MYO1H: variants seen among roughly 807,000 people sequenced by gnomAD.
The protein encoded by MYO1H is myosin IH, also known as unconventional myosin-Ih.
MYO1H carries 118 observed loss-of-function variants against 149.3 expected under a neutral mutation model. The ratio of observed to expected loss-of-function variants is 0.79; its 90% CI spans 0.68 to 0.92. MYO1H has a LOEUF of 0.92. Ranked by LOEUF, MYO1H falls within the 40% of genes least tolerant of loss-of-function variation. The probability of loss-of-function intolerance (pLI) is 0.00; values close to 1 mark genes in which losing one functional copy is unlikely to be tolerated. For synonymous variants in MYO1H, 447 were observed against 465.2 expected (o/e 0.96, Z 0.50); for missense variants, 1,212 against 1,280.7 (o/e 0.95, Z 0.82).
intron 1 of MYO1H, among the ~76,000 whole-genome samples, chr12:109,349,482 G>C (rs1432923709): frequency 7.7e-6 from 1 of 130,400 alleles, no homozygotes; most frequent in African/African-American, 3.2e-5. Flanking sequence ...GAGCAACATA[G>C]TGTGACCCCC....
At chr12:109,325,177 A>G in the MYO1H span, among the ~76,000 whole-genome samples, 1 of 152,244 alleles carries the variant, frequency 6.6e-6, no homozygotes, top group African/African-American at 2.4e-5. Flanking sequence ...GCTGCAATAA[A>G]CATACATGTG....
intron 26 of MYO1H, among the ~76,000 whole-genome samples, 193 bp downstream of exon 26, chr12:109,441,901 G>A (rs1272761232): frequency 6.6e-6 from 1 of 152,072 alleles, no homozygotes; most frequent in Non-Finnish European, 1.5e-5. Flanking sequence ...CAAAATATTA[G>A]CAGGGCGTGG....
chr12:109,441,755 G>C, intron 26 of MYO1H, 47 bp downstream of exon 26: 1 of 1,386,914 alleles, frequency 7.2e-7, no homozygotes, highest in Non-Finnish European at 1.0e-6. Flanking sequence ...AATTCTAAAA[G>C]GAGTTAAAGG....
intron 19 of MYO1H, among the ~76,000 whole-genome samples, chr12:109,431,889 C>G (rs1871636451): frequency 6.6e-6 from 1 of 151,874 alleles, no homozygotes; most frequent in Non-Finnish European, 1.5e-5. Context: ...GGCTGGAGTG[C>G]TCCCTGAAGC....
At chr12:109,341,698 T>C in the MYO1H span, among the ~76,000 whole-genome samples, 7 of 152,218 alleles carry the variant, frequency 4.6e-5, no homozygotes, top group Non-Finnish European at 1.0e-4. Context: ...TGGGCTACTC[T>C]AGTTGGTCCT....
rs751206013 is a variant in MYO1H at position 109,406,841 on chromosome 12, T to C, written c.1016T>C (p.Ile339Thr). 3.1e-6 allele frequency: 5 copies of C among 1,613,838 alleles called. No individual in the cohort carries two copies. The African/African-American group carries it at 5.3e-5, about 17-fold the overall frequency. ...CTGGAAGCTCTCACCCACAGAAAAA[T>C]TGAAGCCAAAACTGAGGAGGTAAAA... Residue 339 changes from isoleucine to threonine, a missense_variant, in exon 9 of 32, where the codon ATT becomes ACT. Ile to Thr is a moderately conservative substitution (Grantham distance 89, BLOSUM62 -1). Transcript: ENST00000310903.
At chr12:109,341,560 A>G in the MYO1H span, among the ~76,000 whole-genome samples, 1 of 152,122 alleles carries the variant, frequency 6.6e-6, no homozygotes, top group Non-Finnish European at 1.5e-5. Context: ...AAGAGTAGGA[A>G]AGTTTCATAT....
intron 1 of MYO1H, among the ~76,000 whole-genome samples, chr12:109,380,639 G>A (rs1020750744): frequency 2.0e-5 from 3 of 152,186 alleles, no homozygotes; most frequent in Non-Finnish European, 2.9e-5. Context: ...TGGGAGAAAA[G>A]AGAAGAGATA....
chr12:109,327,477 C>T, the MYO1H span, among the ~76,000 whole-genome samples: 1 of 151,430 alleles, frequency 6.6e-6, no homozygotes, highest in African/African-American at 2.4e-5. Flanking sequence ...TGGCTGGGTG[C>T]GACGGCTCAC....
chr12:109,352,529 C>T (rs963072540), intron 1 of MYO1H, among the ~76,000 whole-genome samples: 2 of 152,186 alleles, frequency 1.3e-5, no homozygotes, highest in Non-Finnish European at 2.9e-5. Flanking sequence ...ACTTTTGCTA[C>T]ATCTTGCGTG....
chr12:109,375,769 G>A (rs559036605), intron 1 of MYO1H, among the ~76,000 whole-genome samples: 2 of 152,204 alleles, frequency 1.3e-5, no homozygotes, highest in South Asian at 4.2e-4. Context: ...CTTGAGCCTA[G>A]GAGTTTGAGA....
At chr12:109,383,063 T>G (rs1467644840) in intron 1 of MYO1H, among the ~76,000 whole-genome samples, 1 of 152,096 alleles carries the variant, frequency 6.6e-6, no homozygotes, top group Non-Finnish European at 1.5e-5. Flanking sequence ...AACTCTCTTC[T>G]GCCCTAAGCT....
intron 25 of MYO1H, 37 bp downstream of exon 25, chr12:109,440,864 G>A (rs142773933): frequency 0.013 from 18,676 of 1,417,668 alleles, 226 homozygotes; most frequent in Non-Finnish European, 0.016. Context: ...GGTGGTGGGG[G>A]TGGGTGTAAG....
chr12:109,375,951 C>T (rs564551320), intron 1 of MYO1H, among the ~76,000 whole-genome samples: 3 of 152,268 alleles, frequency 2.0e-5, no homozygotes, highest in South Asian at 2.1e-4. Flanking sequence ...TACACTTCGG[C>T]GTGGGCAACA....
At chr12:109,338,452 T>C in the MYO1H span, among the ~76,000 whole-genome samples, 1 of 152,214 alleles carries the variant, frequency 6.6e-6, no homozygotes, top group Admixed American at 6.5e-5. Context: ...TGACCTCTCT[T>C]GGGTGTCTTG....
At chr12:109,446,696 G>A (rs572637380) in intron 31 of MYO1H, among the ~76,000 whole-genome samples, 49 of 152,264 alleles carry the variant, frequency 3.2e-4, no homozygotes, top group African/African-American at 1.1e-3. Context: ...CACAGGAGGC[G>A]GAGGTTGCAG....
intron 1 of MYO1H, among the ~76,000 whole-genome samples, chr12:109,375,899 A>G (rs1352027145): frequency 1.3e-5 from 2 of 152,174 alleles, no homozygotes; most frequent in African/African-American, 2.4e-5. Flanking sequence ...GGATCATTTG[A>G]GCCCAGAAGT....
chr12:109,382,192 C>T (rs1026638847), intron 1 of MYO1H, among the ~76,000 whole-genome samples: 10 of 152,272 alleles, frequency 6.6e-5, no homozygotes, highest in African/African-American at 2.4e-4. Flanking sequence ...GTATAATATG[C>T]TGCCTATGAA....
intron 20 of MYO1H, among the ~76,000 whole-genome samples, chr12:109,434,110 A>C (rs1223862838): frequency 6.6e-6 from 1 of 152,112 alleles, no homozygotes; most frequent in Non-Finnish European, 1.5e-5. Context: ...CCTGGGTTCA[A>C]GCGATTCTCC....
Sources: allele counts gnomAD v4.1 joint callset (sites outside exome capture counted in the v4.1 genomes callset), GRCh38; gene constraint gnomAD v4.1.1; transcripts MANE v1.5; gene names NCBI Gene and HGNC (gene_info 2026-07-23, HGNC 2026-07-21).